The following KLF9 variants were observed in gnomAD, a reference collection of about 807,000 sequenced individuals.
KLF9 encodes the protein Krueppel-like factor 9.
A neutral mutation model predicts 17.3 loss-of-function variants in KLF9; 2 were observed. That is an observed-to-expected ratio of 0.12 (90% confidence interval 0.05 to 0.36). KLF9 has a LOEUF of 0.36. Among genes scored for constraint, KLF9 ranks in the 10% least tolerant of loss-of-function variants. KLF9 has a pLI of 1.00. For synonymous variants in KLF9, 138 were observed against 139.2 expected, an observed-to-expected ratio of 0.99 and a Z score of 0.06; for missense variants, 226 against 333.2, an observed-to-expected ratio of 0.68 and a Z score of 2.51.
chr9:70,413,228 C>T lies in KLF9; in HGVS notation c.136G>A (p.Glu46Lys). ...CAGGTGTCCCCCGGGTCACCGTGCT[C>T]CTTGGTCACCTCGCGCTCAGGTAGT... ...LRLPEREVTKEHGDPGDTWKD... is the reference protein window; with the variant it reads ...LRLPEREVTKKHGDPGDTWKD... The change falls in exon 1 of 2, where the codon GAG becomes AAG. Residue 46 changes from glutamate to lysine, a missense_variant. By Grantham distance (56) the Glu-to-Lys change is moderately conservative. Coordinates refer to ENST00000377126, the MANE Select transcript of KLF9 (RefSeq NM_001206.4). This position sits in a 1 kb window ranked among gnomAD's most constrained non-coding sequence, Gnocchi z 5.6. The T allele has an allele frequency of 6.2e-7, 1 of 1,614,030 alleles. No homozygotes were observed.
intron 1 of KLF9, among the ~76,000 whole-genome samples, chr9:70,408,919 A>G (rs1320480099): frequency 4.0e-5 from 6 of 149,064 alleles, no homozygotes; most frequent in Non-Finnish European, 7.4e-5. Context: ...AAGGAGCAGA[A>G]GCCGCCACTC....
At chr9:70,406,920 G>A (rs2037259942) in intron 1 of KLF9, among the ~76,000 whole-genome samples, 1 of 150,232 alleles carries the variant, frequency 6.7e-6, no homozygotes, top group East Asian at 1.9e-4. Flanking sequence ...AAAGAACACG[G>A]AAGATTTGGA....
intron 1 of KLF9, among the ~76,000 whole-genome samples, chr9:70,404,846 G>C (rs1440245448): frequency 6.6e-6 from 1 of 152,138 alleles, no homozygotes; most frequent in Admixed American, 6.5e-5. Context: ...CTGAGGCTCA[G>C]AGAAGGTAAG....
chr9:70,399,081 T>C (rs1227752323), intron 1 of KLF9, among the ~76,000 whole-genome samples: 2 of 152,174 alleles, frequency 1.3e-5, no homozygotes, highest in Non-Finnish European at 2.9e-5. Context: ...GTGATCCTCC[T>C]GTCTCAGCCT....
At chr9:70,398,977 T>G (rs1448399421) in intron 1 of KLF9, among the ~76,000 whole-genome samples, 1 of 151,962 alleles carries the variant, frequency 6.6e-6, no homozygotes, top group Non-Finnish European at 1.5e-5. Context: ...GGACCACAGG[T>G]GCATGCCACC....
chr9:70,406,386 G>GA (rs2037254963), intron 1 of KLF9, among the ~76,000 whole-genome samples: 1 of 152,164 alleles, frequency 6.6e-6, no homozygotes, highest in African/African-American at 2.4e-5. Context: ...AACATTTCAA[G>GA]AGAACAATCC....
chr9:70,412,823 C>T, intron 1 of KLF9, 36 bp downstream of exon 1: 1 of 1,528,082 alleles, frequency 6.5e-7, no homozygotes, highest in Non-Finnish European at 8.8e-7. Flanking sequence ...GGTTAACTAA[C>T]CCCAGAGCTC....
chr9:70,412,825 C>A (rs751060153), intron 1 of KLF9, 34 bp downstream of exon 1: 1 of 1,529,208 alleles, frequency 6.5e-7, no homozygotes, highest in Admixed American at 2.1e-5. Flanking sequence ...TTAACTAACC[C>A]CAGAGCTCCG....
intron 1 of KLF9, among the ~76,000 whole-genome samples, chr9:70,408,996 A>G (rs534547249): frequency 6.0e-5 from 5 of 83,462 alleles, no homozygotes; most frequent in Admixed American, 1.3e-4. Flanking sequence ...ATATATATAT[A>G]TGTGTATATA....
intron 1 of KLF9, among the ~76,000 whole-genome samples, chr9:70,388,212 G>C (rs2037127456): frequency 6.6e-6 from 1 of 152,110 alleles, no homozygotes. Context: ...CCTTTAAAGA[G>C]GCAACTGATG....
At position 70,407,691 on chromosome 9, in the gene KLF9, C is replaced by A. The variant is rs7858023; in HGVS notation, c.505+5168G>T. On this transcript the variant is annotated intron_variant, in intron 1 of 1. Coordinates refer to ENST00000377126, the MANE Select transcript of KLF9 (RefSeq NM_001206.4). Reference sequence around the variant, plus strand: ...AGCAATAAGAGCTATAGGGTCCTAACAGCCTCCAGCCCCAGGGTCAGATTT... The same window carrying A: ...AGCAATAAGAGCTATAGGGTCCTAAAAGCCTCCAGCCCCAGGGTCAGATTT... 6.6e-5 allele frequency among the ~76,000 whole-genome samples: 10 copies of A among 152,354 alleles called. No homozygotes were observed. The South Asian group carries it at 2.1e-3, about 32-fold the overall frequency.
At chr9:70,411,550 C>T (rs1564089924) in intron 1 of KLF9, among the ~76,000 whole-genome samples, 1 of 152,130 alleles carries the variant, frequency 6.6e-6, no homozygotes. Flanking sequence ...AGTCTGATTC[C>T]GGTGCCAGCA....
At chr9:70,411,973 G>A (rs991020680) in intron 1 of KLF9, among the ~76,000 whole-genome samples, 1 of 152,172 alleles carries the variant, frequency 6.6e-6, no homozygotes, top group South Asian at 2.1e-4. Flanking sequence ...CAGGTCCCTG[G>A]AAGTCTCCAA....
intron 1 of KLF9, among the ~76,000 whole-genome samples, chr9:70,396,361 C>A (rs2037181745): frequency 6.6e-6 from 1 of 152,124 alleles, no homozygotes; most frequent in South Asian, 2.1e-4. Context: ...CTAATATGTA[C>A]CTGTGAAAAA....
chr9:70,401,711 G>C (rs796811376), intron 1 of KLF9, among the ~76,000 whole-genome samples: 1 of 132,474 alleles, frequency 7.5e-6, no homozygotes, highest in Non-Finnish European at 1.6e-5. Flanking sequence ...AAAAAGAAAA[G>C]AAAAGAAAAG....
intron 1 of KLF9, among the ~76,000 whole-genome samples, chr9:70,406,019 C>T (rs1278808967): frequency 2.0e-5 from 3 of 152,192 alleles, no homozygotes; most frequent in East Asian, 1.9e-4. Context: ...CCAGCTCACT[C>T]CACCTCTGCC....
chr9:70,413,230 T>A lies in KLF9; in HGVS notation c.134A>T (p.Lys45Met), dbSNP rs760168835. ...GGTGTCCCCCGGGTCACCGTGCTCC[T>A]TGGTCACCTCGCGCTCAGGTAGTCG... ...RLRLPEREVTKEHGDPGDTWK... is the reference protein window; with the variant it reads ...RLRLPEREVTMEHGDPGDTWK... Residue 45 changes from lysine to methionine, a missense_variant, in exon 1 of 2, where the codon AAG becomes ATG. Physicochemically the swap from Lys to Met is moderately conservative, Grantham distance 95. Transcript: ENST00000377126. The surrounding 1 kb of genome is among the most constrained non-coding windows in gnomAD (Gnocchi z 5.6). The A allele has an allele frequency of 2.5e-6, 4 of 1,614,018 alleles. No individual in the cohort carries two copies. The highest frequency in any genetic ancestry group is 3.4e-6 in the Non-Finnish European group (4 of 1,180,022).
At chr9:70,411,226 C>T (rs943539304) in intron 1 of KLF9, among the ~76,000 whole-genome samples, 1 of 152,206 alleles carries the variant, frequency 6.6e-6, no homozygotes, top group African/African-American at 2.4e-5. Flanking sequence ...GCCTCCCTGG[C>T]TGCACGACTG....
chr9:70,402,981 C>T (rs1002915941), intron 1 of KLF9, among the ~76,000 whole-genome samples: 1 of 151,894 alleles, frequency 6.6e-6, no homozygotes, highest in African/African-American at 2.4e-5. Context: ...GAAAACCCAT[C>T]TCTACTAAAA....
Sources: allele counts gnomAD v4.1 joint callset (sites outside exome capture counted in the v4.1 genomes callset), GRCh38; gene constraint gnomAD v4.1.1; non-coding constraint Gnocchi (gnomAD v3.1); transcripts MANE v1.5; gene names NCBI Gene and HGNC (gene_info 2026-07-23, HGNC 2026-07-21).